Variants in MCRS1 observed in about 807,000 individuals in gnomAD.
The protein encoded by MCRS1 is microspherule protein 1.
In MCRS1, 22 loss-of-function variants were observed where a neutral mutation model predicts 62.9. The observed-to-expected ratio is 0.35, with a 90% CI of 0.25 to 0.50. The LOEUF is 0.50. Ranked by LOEUF, MCRS1 falls within the 20% of genes least tolerant of loss-of-function variation. The pLI, the probability that MCRS1 is intolerant of heterozygous loss-of-function variation, is 0.98. For synonymous variants in MCRS1, 244 were observed against 233.5 expected (o/e 1.04, Z -0.41); for missense variants, 456 against 601.1 (o/e 0.76, Z 2.52).
rs1211709401 is a variant in MCRS1 at position 49,568,118 on chromosome 12, C to G, written c.-181G>C. 1 of 152,242 alleles carries G rather than the reference C, an allele frequency of 6.6e-6. No individual in the cohort carries two copies. The highest frequency in any genetic ancestry group is 2.4e-5 in the African/African-American group (1 of 41,454). 9.4% of individuals were successfully genotyped at this position (152,242 alleles called of 1,614,324 possible). A position where few individuals can be genotyped will look rare whatever the true frequency, so the allele number is the denominator to read the frequency against. Reference sequence around the variant, plus strand: ...GCAGCCGCAGGGCCAAAGCCGGCTTCCGTGAGGTACGTCTACTTCCGGTTA... The same window carrying G: ...GCAGCCGCAGGGCCAAAGCCGGCTTGCGTGAGGTACGTCTACTTCCGGTTA... On this transcript the variant is annotated 5_prime_UTR_variant, in exon 1 of 15. Transcript: ENST00000343810.
chr12:49,562,927 T>C, intron 8 of MCRS1, 74 bp downstream of exon 8: 1 of 1,498,656 alleles, frequency 6.7e-7, no homozygotes, highest in Non-Finnish European at 9.0e-7. Flanking sequence ...TGAAGGCAGC[T>C]GTGTCGAGTA....
chr12:49,564,349 T>C, intron 6 of MCRS1, 132 bp downstream of exon 6: 1 of 686,414 alleles, frequency 1.5e-6, no homozygotes, highest in Non-Finnish European at 2.5e-6. Flanking sequence ...GGCCTCAGTA[T>C]CACCCCCAAG....
chr12:49,558,879 G>A lies in MCRS1; in HGVS notation c.1266C>T (p.Gly422=), dbSNP rs755777044. The A allele has an allele frequency of 1.9e-6, 3 of 1,613,148 alleles. No individual in the cohort carries two copies. The South Asian group carries it at 3.3e-5, about 18-fold the overall frequency. The change falls in exon 14 of 15, where the codon GGC becomes GGT. Residue 422 remains glycine, a synonymous_variant. Transcript: ENST00000343810. ...IYIDGRPVLC[G]SKWRLSNNSV... is the part of the protein sequence containing the mutation. ...AGTTGTTGCTGAGGCGCCATTTGGA[G>A]CCACAGAGCACCGGCCGTCCATCGA... is the stretch of plus-strand genomic sequence containing the variant.
At position 49,564,785 on chromosome 12, in the gene MCRS1, G is replaced by A. The variant is rs751775111; in HGVS notation, c.399C>T (p.Gly133=). Residue 133 remains glycine (G), a synonymous_variant, in exon 5 of 15, where the codon GGC becomes GGT. Coordinates refer to ENST00000343810, the MANE Select transcript of MCRS1 (RefSeq NM_006337.5). ...GGAGGTCATCTGCAGGCTTCCAGCG[G>A]CCCAGATCCTTGGTCACCTGAAGTG... The part of the protein sequence containing the change: ...KQPLQVTKDL[G]RWKPADDLLL... 1.2e-6 allele frequency: 2 copies of A among 1,614,026 alleles called. No individual in the cohort carries two copies. Among genetic ancestry groups the A allele is most frequent in the South Asian group, 2.2e-5 (2 of 91,064 alleles).
At position 49,566,069 on chromosome 12, in the gene MCRS1, C is replaced by A; in HGVS notation, c.149+8G>T. On this transcript the variant is annotated splice_region_variant and intron_variant, in intron 3 of 14. Coordinates refer to ENST00000343810, the MANE Select transcript of MCRS1 (RefSeq NM_006337.5). ...TTCCCAGTTCCTGGCCCTCCGAACC[C>A]TTACTACCTGGAGGAGCTTCTCCGT... 1 of 1,612,630 alleles carries A rather than the reference C, an allele frequency of 6.2e-7. No individual in the cohort carries two copies. The highest frequency in any genetic ancestry group is 8.5e-7 in the Non-Finnish European group (1 of 1,179,314).
chr12:49,564,446 G>C (rs374328477), intron 6 of MCRS1, 35 bp downstream of exon 6: 4 of 1,568,106 alleles, frequency 2.6e-6, no homozygotes, highest in African/African-American at 2.7e-5. Context: ...TGGTGTCCCA[G>C]TACCTCCCCA....
Position 49,559,877 on chromosome 12 carries a change from C to T in MCRS1, c.911-56G>A. 1.2e-6 allele frequency: 2 copies of T among 1,614,140 alleles called. No individual in the cohort carries two copies. Among genetic ancestry groups the T allele is most frequent in the Non-Finnish European group, 1.7e-6 (2 of 1,179,946 alleles). On this transcript the variant is annotated intron_variant, in intron 10 of 14. Coordinates refer to ENST00000343810, the MANE Select transcript of MCRS1 (RefSeq NM_006337.5). The surrounding 1 kb of genome is among the most constrained non-coding windows in gnomAD (Gnocchi z 5.2). ...GCTCTGAGGCCACCAGCACCTTGTACTGGTCCTCTTGATTCTGGCAGGAGC... is the reference window on the plus strand; with the variant it reads ...GCTCTGAGGCCACCAGCACCTTGTATTGGTCCTCTTGATTCTGGCAGGAGC...
chr12:49,559,621 G>A lies in MCRS1; in HGVS notation c.1004-86C>T. On this transcript the variant is annotated intron_variant, in intron 11 of 14. Transcript: ENST00000343810. This position sits in a 1 kb window ranked among gnomAD's most constrained non-coding sequence, Gnocchi z 5.2. ...CCAGGGCAAGGTTTATAAGGGAAGGGGGTCGGGGCCTGGGAAACGAGGGTC... is the reference window on the plus strand; with the variant it reads ...CCAGGGCAAGGTTTATAAGGGAAGGAGGTCGGGGCCTGGGAAACGAGGGTC... The A allele has an allele frequency of 1.9e-6, 3 of 1,589,596 alleles. No individual in the cohort carries two copies. Among genetic ancestry groups the A allele is most frequent in the Non-Finnish European group, 2.6e-6 (3 of 1,162,924 alleles).
intron 3 of MCRS1, 70 bp from the exon 4 acceptor site, chr12:49,565,737 C>G: frequency 6.2e-7 from 1 of 1,607,154 alleles, no homozygotes; most frequent in Non-Finnish European, 8.5e-7. Flanking sequence ...CCCCAGCCCC[C>G]AAAAGAGAGC....
In MCRS1 at chr12:49,560,894, CGCCCACCTTAA is replaced by C. The variant is rs1222385716; in HGVS notation, c.806-535_806-525del. ...TGAGAAAGTACGTGCTGGTGGGCGC[CGCCCACCTTAA>C]GCCAATGTCTCTTGATCTGGGGTCA... On this transcript the variant is annotated intron_variant, in intron 8 of 14. Transcript: ENST00000343810. Among the ~76,000 whole-genome samples, 7 of 152,176 alleles carry C rather than the reference CGCCCACCTTAA, an allele frequency of 4.6e-5. No individual in the cohort carries two copies. In the East Asian group the frequency reaches 1.3e-3, roughly 29 times the overall value.
rs1439129634 is a variant in MCRS1 at position 49,566,804 on chromosome 12, G to A, written c.-73C>T. 1.9e-6 allele frequency: 3 copies of A among 1,581,190 alleles called. No individual in the cohort carries two copies. Among genetic ancestry groups the A allele is most frequent in the African/African-American group, 1.4e-5 (1 of 73,672 alleles). On this transcript the variant is annotated 5_prime_UTR_variant, in exon 2 of 15. Coordinates refer to ENST00000343810, the MANE Select transcript of MCRS1 (RefSeq NM_006337.5). ...GAACGGTCCCACAGGCTCATCCAAG[G>A]ATTCTGACCAGGTGAGCTTAAAGGC...
At chr12:49,562,862 C>T in intron 8 of MCRS1, 139 bp downstream of exon 8, 1 of 1,128,342 alleles carries the variant, frequency 8.9e-7, no homozygotes, top group Non-Finnish European at 1.2e-6. Flanking sequence ...GTTTTTTTTG[C>T]AATGTGAGGT....
intron 1 of MCRS1, 102 bp downstream of exon 1, chr12:49,567,946 G>GCC (rs1939149898): frequency 1.3e-5 from 2 of 152,334 alleles, no homozygotes; most frequent in South Asian, 2.1e-4. Flanking sequence ...CTGGGGCGGG[G>GCC]CCCCAAACTT....
intron 2 of MCRS1, 27 bp from the exon 3 acceptor site, chr12:49,566,242 G>C: frequency 1.2e-6 from 2 of 1,603,648 alleles, no homozygotes; most frequent in Non-Finnish European, 1.7e-6. Context: ...GGTGGATTCG[G>C]GCCTCCTAAG....
chr12:49,559,871 C>A lies in MCRS1; in HGVS notation c.911-50G>T. On this transcript the variant is annotated intron_variant, in intron 10 of 14. Transcript: ENST00000343810. This position sits in a 1 kb window ranked among gnomAD's most constrained non-coding sequence, Gnocchi z 5.2. The stretch of plus-strand genomic sequence containing the variant: ...AGGGATGCTCTGAGGCCACCAGCAC[C>A]TTGTACTGGTCCTCTTGATTCTGGC... 1 of 1,612,570 alleles carries A rather than the reference C, an allele frequency of 6.2e-7. No individual in the cohort carries two copies. The highest frequency in any genetic ancestry group is 8.5e-7 in the Non-Finnish European group (1 of 1,178,504).
Position 49,559,544 on chromosome 12 carries a change from A to G in MCRS1, c.1004-9T>C. ...GTCCGGAGAGCTCATGCCTGGGAGAAGAGGGAGTTTGGAAGAGCCTACCCC... is the reference window on the plus strand; with the variant it reads ...GTCCGGAGAGCTCATGCCTGGGAGAGGAGGGAGTTTGGAAGAGCCTACCCC... On this transcript the variant is annotated splice_polypyrimidine_tract_variant and intron_variant, in intron 11 of 14. Transcript: ENST00000343810. The surrounding 1 kb of genome is among the most constrained non-coding windows in gnomAD (Gnocchi z 5.2). 6.2e-7 allele frequency: 1 copy of G among 1,608,956 alleles called. No individual in the cohort carries two copies. The highest frequency in any genetic ancestry group is 8.5e-7 in the Non-Finnish European group (1 of 1,179,976).
At chr12:49,566,558 A>T in intron 2 of MCRS1, 164 bp downstream of exon 2, 1 of 1,477,498 alleles carries the variant, frequency 6.8e-7, no homozygotes, top group East Asian at 2.5e-5. Context: ...CTCAACAGCA[A>T]GTCAGTCAAC....
intron 4 of MCRS1, chr12:49,565,158 G>A: frequency 1.0e-6 from 1 of 985,420 alleles, no homozygotes; most frequent in Non-Finnish European, 1.2e-6. Context: ...GTGAAAGTTG[G>A]GTGGGGAGGA....
intron 1 of MCRS1, 44 bp from the exon 2 acceptor site, chr12:49,566,885 T>C (rs1412987789): frequency 1.9e-6 from 2 of 1,028,558 alleles, no homozygotes; most frequent in Non-Finnish European, 2.9e-6. Flanking sequence ...GATTTCCAAC[T>C]GGCCAGCCTC....
Sources: gnomAD v4.1 joint callset for allele counts (sites outside exome capture counted in the v4.1 genomes callset) on GRCh38, gnomAD v4.1.1 for gene constraint, Gnocchi (gnomAD v3.1) non-coding constraint, MANE v1.5 for transcripts, NCBI Gene and HGNC (gene_info 2026-07-23, HGNC 2026-07-21) for gene names.